Variants in PCDH9 observed in about 807,000 individuals in gnomAD.
PCDH9 encodes the protein protocadherin-9.
PCDH9 carries 24 observed loss-of-function variants against 70.6 expected under a neutral mutation model. That is an observed-to-expected ratio of 0.34 (90% confidence interval 0.25 to 0.48). PCDH9 has a LOEUF of 0.48. Ranked by LOEUF, PCDH9 falls within the 20% of genes least tolerant of loss-of-function variation. The pLI is 0.99. For missense variants in PCDH9, 1,281 were observed against 1,503.6 expected (o/e 0.85, Z 2.45); for synonymous variants, 562 against 558.5 (o/e 1.01, Z -0.09).
intron 3 of PCDH9, among the ~76,000 whole-genome samples, chr13:66,787,350 TCA>T (rs2080095526): frequency 6.6e-6 from 1 of 152,122 alleles, no homozygotes; most frequent in Non-Finnish European, 1.5e-5. Flanking sequence ...GCGTGGTGGC[TCA>T]CGCTTGTAAT....
chr13:66,720,634 T>C (rs114835101), intron 3 of PCDH9, among the ~76,000 whole-genome samples: 1,596 of 152,274 alleles, frequency 0.01, 30 homozygotes, highest in African/African-American at 0.036. Context: ...ATTTCTGCTA[T>C]AAAATGCAAA....
At chr13:66,463,040 A>G (rs1374049282) in intron 4 of PCDH9, among the ~76,000 whole-genome samples, 1 of 151,842 alleles carries the variant, frequency 6.6e-6, no homozygotes, top group African/African-American at 2.4e-5. Flanking sequence ...CTAACCCAAC[A>G]AATATAATTC....
intron 2 of PCDH9, among the ~76,000 whole-genome samples, chr13:66,919,728 C>T (rs566957129): frequency 6.9e-4 from 104 of 151,026 alleles, no homozygotes; most frequent in African/African-American, 2.3e-3. Context: ...AACACTTAGG[C>T]CTCAATCTCC....
chr13:67,057,074 T>C (rs1166210187), intron 2 of PCDH9, among the ~76,000 whole-genome samples: 1 of 152,168 alleles, frequency 6.6e-6, no homozygotes, highest in Non-Finnish European at 1.5e-5. Context: ...CTTGTCTTTT[T>C]ACCATTTCTG....
At chr13:67,164,512 C>T (rs1434286388) in intron 2 of PCDH9, among the ~76,000 whole-genome samples, 2 of 149,046 alleles carry the variant, frequency 1.3e-5, no homozygotes, top group East Asian at 2.0e-4. Context: ...AGGCAGAGGT[C>T]GCAGTGAGCT....
intron 4 of PCDH9, among the ~76,000 whole-genome samples, chr13:66,495,036 A>C (rs1295172484): frequency 6.6e-6 from 1 of 152,160 alleles, no homozygotes; most frequent in Non-Finnish European, 1.5e-5. Context: ...GAAGGGAAGA[A>C]AGGAAGAACA....
intron 4 of PCDH9, among the ~76,000 whole-genome samples, chr13:66,333,252 A>ATGAC (rs1464209152): frequency 3.9e-5 from 6 of 152,186 alleles, no homozygotes; most frequent in Non-Finnish European, 7.4e-5. Flanking sequence ...AATAGTTGTC[A>ATGAC]AAGGATACGA....
intron 4 of PCDH9, among the ~76,000 whole-genome samples, chr13:66,473,492 T>C (rs1958659912): frequency 6.6e-6 from 1 of 152,110 alleles, no homozygotes; most frequent in Non-Finnish European, 1.5e-5. Flanking sequence ...AGTAGATGCA[T>C]ACTGGAACCT....
chr13:66,426,717 CT>C (rs1957676873), intron 4 of PCDH9, among the ~76,000 whole-genome samples: 1 of 151,492 alleles, frequency 6.6e-6, no homozygotes, highest in Non-Finnish European at 1.5e-5. Context: ...TGCATTTTTA[CT>C]GTCATCTTAA....
intron 4 of PCDH9, among the ~76,000 whole-genome samples, chr13:66,434,652 G>C (rs1365703629): frequency 6.6e-6 from 1 of 151,894 alleles, no homozygotes; most frequent in Admixed American, 6.6e-5. Flanking sequence ...TAATCCTATG[G>C]ACTTAAAATA....
intron 3 of PCDH9, among the ~76,000 whole-genome samples, chr13:66,639,798 G>A (rs2077685711): frequency 6.6e-6 from 1 of 152,150 alleles, no homozygotes; most frequent in Non-Finnish European, 1.5e-5. Flanking sequence ...CATTGTTGGT[G>A]ATTTGCTTCT....
At chr13:66,683,501 G>C (rs1479060389) in intron 3 of PCDH9, among the ~76,000 whole-genome samples, 1 of 152,148 alleles carries the variant, frequency 6.6e-6, no homozygotes, top group African/African-American at 2.4e-5. Context: ...TGGTCCAAGG[G>C]ATGCATTCAC....
At chr13:66,719,228 A>G (rs1314880502) in intron 3 of PCDH9, among the ~76,000 whole-genome samples, 1 of 151,768 alleles carries the variant, frequency 6.6e-6, no homozygotes, top group Non-Finnish European at 1.5e-5. Context: ...GGTCATTAAT[A>G]TTCCCGTGAG....
At chr13:66,596,593 A>G (rs1437032738) in intron 4 of PCDH9, among the ~76,000 whole-genome samples, 1 of 151,718 alleles carries the variant, frequency 6.6e-6, no homozygotes, top group Admixed American at 6.6e-5. Flanking sequence ...CATGTGACCA[A>G]CATAATTAAA....
At chr13:66,488,123 T>C (rs1005815178) in intron 4 of PCDH9, among the ~76,000 whole-genome samples, 1 of 152,122 alleles carries the variant, frequency 6.6e-6, no homozygotes, top group Non-Finnish European at 1.5e-5. Context: ...TAGGGAAAAT[T>C]TGTGCTGTAA....
At chr13:66,544,857 A>G (rs148123291) in intron 4 of PCDH9, among the ~76,000 whole-genome samples, 1 of 152,164 alleles carries the variant, frequency 6.6e-6, no homozygotes, top group East Asian at 1.9e-4. Context: ...TCCTCTCCAT[A>G]TGGTTTCAGC....
At chr13:66,593,474 A>G (rs2077061963) in intron 4 of PCDH9, among the ~76,000 whole-genome samples, 1 of 151,760 alleles carries the variant, frequency 6.6e-6, no homozygotes, top group African/African-American at 2.4e-5. Flanking sequence ...CTGAATAAAG[A>G]TGCCACCATA....
At chr13:66,750,684 T>C (rs1362311585) in intron 3 of PCDH9, among the ~76,000 whole-genome samples, 1 of 152,098 alleles carries the variant, frequency 6.6e-6, no homozygotes, top group East Asian at 1.9e-4. Flanking sequence ...CTGCTTAAAT[T>C]AACCCCTTAA....
chr13:67,044,840 T>C (rs1049075811), intron 2 of PCDH9, among the ~76,000 whole-genome samples: 1 of 151,538 alleles, frequency 6.6e-6, no homozygotes, highest in Non-Finnish European at 1.5e-5. Context: ...TGGGAAGGAG[T>C]AGAGAAGAGG....
Sources: gnomAD v4.1 joint callset for allele counts (sites outside exome capture counted in the v4.1 genomes callset) on GRCh38, gnomAD v4.1.1 for gene constraint, MANE v1.5 for transcripts, NCBI Gene and HGNC (gene_info 2026-07-23, HGNC 2026-07-21) for gene names.